The following ZNF618 variants were observed in gnomAD, a reference collection of about 807,000 sequenced individuals.
ZNF618 encodes the protein zinc finger protein 618, also known as neural precursor cell expressed, developmentally down-regulated 10.
Under a neutral mutation model 103.0 loss-of-function variants are expected in ZNF618, and 34 were observed. That is an observed-to-expected ratio of 0.33 (90% CI 0.25 to 0.44). ZNF618 has a LOEUF of 0.44. Ranked by LOEUF, ZNF618 falls within the 20% of genes least tolerant of loss-of-function variation. The pLI, the probability that ZNF618 is intolerant of heterozygous loss-of-function variation, is 1.00. For missense variants in ZNF618, 1,059 were observed against 1,295.4 expected (o/e 0.82, Z 2.80); for synonymous variants, 551 against 542.2 (o/e 1.02, Z -0.23).
chr9:113,992,193 T>G (rs2133382831), intron 3 of ZNF618, among the ~76,000 whole-genome samples: 1 of 152,200 alleles, frequency 6.6e-6, no homozygotes, highest in East Asian at 1.9e-4. Flanking sequence ...CATGATTGAT[T>G]GTTGGTGTCT....
At chr9:113,934,029 G>C (rs373524845) in intron 1 of ZNF618, among the ~76,000 whole-genome samples, 1 of 152,086 alleles carries the variant, frequency 6.6e-6, no homozygotes, top group Non-Finnish European at 1.5e-5. Context: ...CTGGTGGGCT[G>C]GGGACAGGGG....
intron 1 of ZNF618, 114 bp downstream of exon 1, chr9:113,876,527 T>C: frequency 1.1e-6 from 1 of 904,724 alleles, no homozygotes; most frequent in Non-Finnish European, 1.4e-6. Flanking sequence ...CTGGGCACGT[T>C]TGCGGGCTTT....
intron 2 of ZNF618, among the ~76,000 whole-genome samples, chr9:113,984,289 C>T (rs564977133): frequency 6.6e-6 from 1 of 152,296 alleles, no homozygotes; most frequent in Non-Finnish European, 1.5e-5. Context: ...TCTGACTCTG[C>T]CTCAAGCAAG....
chr9:113,930,749 A>G (rs1408729527), intron 1 of ZNF618, among the ~76,000 whole-genome samples: 1 of 152,184 alleles, frequency 6.6e-6, no homozygotes, highest in African/African-American at 2.4e-5. Context: ...TTTTGAATCA[A>G]TGGCATTGCT....
At chr9:113,961,838 C>T (rs1295731037) in intron 1 of ZNF618, among the ~76,000 whole-genome samples, 1 of 152,184 alleles carries the variant, frequency 6.6e-6, no homozygotes, top group Non-Finnish European at 1.5e-5. Flanking sequence ...GCTGGAGCTG[C>T]CTGTGCCTGA....
chr9:113,964,915 T>C (rs147123851), intron 1 of ZNF618, among the ~76,000 whole-genome samples: 3 of 151,786 alleles, frequency 2.0e-5, no homozygotes, highest in South Asian at 2.1e-4. Context: ...CTCAGGAAAA[T>C]TGAGCAATAA....
intron 1 of ZNF618, among the ~76,000 whole-genome samples, chr9:113,891,259 G>A (rs139744439): frequency 3.4e-4 from 52 of 152,078 alleles, no homozygotes; most frequent in African/African-American, 1.1e-3. Flanking sequence ...TTTGGTAAGG[G>A]GTTAATATCC....
chr9:113,952,398 C>G (rs968684168), intron 1 of ZNF618, among the ~76,000 whole-genome samples: 1 of 152,174 alleles, frequency 6.6e-6, no homozygotes, highest in Admixed American at 6.5e-5. Flanking sequence ...TTTTTTTCCC[C>G]ACTGGGTGTC....
chr9:113,986,795 C>G (rs1194148199), intron 2 of ZNF618, among the ~76,000 whole-genome samples: 1 of 152,220 alleles, frequency 6.6e-6, no homozygotes, highest in Non-Finnish European at 1.5e-5. Context: ...GGGCTCCCCT[C>G]TCTATCTTTG....
In ZNF618 at chr9:113,880,507, T is replaced by C. The variant is rs565978625; in HGVS notation, c.33+4094T>C. On this transcript the variant is annotated intron_variant, in intron 1 of 14. Transcript: ENST00000374126. ...TGAGGCCATATCCCGACTCCCATAT[T>C]CTAGAGAGAGGGGTGCAGTGGCCAA... is the stretch of plus-strand genomic sequence containing the variant. Among the ~76,000 whole-genome samples the C allele has an allele frequency of 2.8e-4, 43 of 152,276 alleles. No individual in the cohort carries two copies. In the South Asian group the frequency reaches 6.2e-3, roughly 22 times the overall value.
Position 113,896,279 on chromosome 9 carries a change from A to C in ZNF618, c.33+19866A>C, listed in dbSNP as rs138794438. ...TTGGCTCTTTATTTTTCTGTTTAGTAATAAAAGTGCTGGGTTAATCAATGA... is the reference window on the plus strand; with the variant it reads ...TTGGCTCTTTATTTTTCTGTTTAGTCATAAAAGTGCTGGGTTAATCAATGA... On this transcript the variant is annotated intron_variant, in intron 1 of 14. Coordinates refer to ENST00000374126, the MANE Select transcript of ZNF618 (RefSeq NM_001318042.2). 5.1e-4 allele frequency among the ~76,000 whole-genome samples: 78 copies of C among 152,166 alleles called. 2 individuals are homozygous for C. In the East Asian group the frequency reaches 0.014, roughly 26 times the overall value.
chr9:114,050,465 CA>C lies in ZNF618; in HGVS notation c.*299del. The C allele has an allele frequency of 3.3e-6, 1 of 303,980 alleles. No individual in the cohort carries two copies. The highest frequency in any genetic ancestry group is 6.0e-6 in the Non-Finnish European group (1 of 165,292). 18.8% of individuals were successfully genotyped at this position (303,980 alleles called of 1,614,324 possible). A position where few individuals can be genotyped will look rare whatever the true frequency, so the allele number is the denominator to read the frequency against. On this transcript the variant is annotated 3_prime_UTR_variant, in exon 15 of 15. Transcript: ENST00000374126. ...ACGCACACACACACACACACACACA[CA>C]CACACACACGACCCTGGTGCGTGTA...
chr9:113,943,592 ATT>A (rs1257137336), intron 1 of ZNF618, among the ~76,000 whole-genome samples: 1 of 144,348 alleles, frequency 6.9e-6, no homozygotes, highest in East Asian at 2.0e-4. Flanking sequence ...AGATCTTCTG[ATT>A]TTTTTTTTTT....
At chr9:113,930,499 G>A (rs1050987634) in intron 1 of ZNF618, among the ~76,000 whole-genome samples, 2 of 152,134 alleles carry the variant, frequency 1.3e-5, no homozygotes, top group African/African-American at 4.8e-5. Context: ...TCCTTGAATG[G>A]ATAAGAAATT....
chr9:113,876,849 A>G (rs948890371), intron 1 of ZNF618, among the ~76,000 whole-genome samples: 41 of 95,392 alleles, frequency 4.3e-4, no homozygotes, highest in African/African-American at 1.5e-3. Context: ...CTTTCCCCCC[A>G]GGTCCCCCAT....
chr9:113,911,450 T>A (rs978415655), intron 1 of ZNF618, among the ~76,000 whole-genome samples: 17 of 152,002 alleles, frequency 1.1e-4, no homozygotes, highest in Admixed American at 2.0e-4. Context: ...TGTCTTAGCC[T>A]CCCGAGTAGC....
chr9:113,901,855 GT>G (rs1012950659), intron 1 of ZNF618, among the ~76,000 whole-genome samples: 1 of 151,980 alleles, frequency 6.6e-6, no homozygotes, highest in Non-Finnish European at 1.5e-5. Flanking sequence ...GTTTTGTTTT[GT>G]TTTTCCTCTG....
At chr9:114,025,427 T>C (rs1018437913) in intron 10 of ZNF618, among the ~76,000 whole-genome samples, 1 of 152,272 alleles carries the variant, frequency 6.6e-6, no homozygotes, top group Non-Finnish European at 1.5e-5. Context: ...ATTTTCAGCT[T>C]TCTGGAAAGG....
chr9:113,995,180 T>C (rs1588273847), intron 3 of ZNF618, among the ~76,000 whole-genome samples: 1 of 152,110 alleles, frequency 6.6e-6, no homozygotes, highest in Non-Finnish European at 1.5e-5. Context: ...GAAAGTCTTT[T>C]ATTGATCACT....
Sources: gnomAD v4.1 joint callset for allele counts (sites outside exome capture counted in the v4.1 genomes callset) on GRCh38, gnomAD v4.1.1 for gene constraint, MANE v1.5 for transcripts, NCBI Gene and HGNC (gene_info 2026-07-23, HGNC 2026-07-21) for gene names.